Variants in B3GALT1 observed in about 807,000 individuals in gnomAD.
The protein encoded by B3GALT1 is UDP-Gal:betaGlcNAc beta 1,3-galactosyltransferase, polypeptide 1.
A neutral mutation model predicts 23.2 loss-of-function variants in B3GALT1; 10 were observed. The observed-to-expected ratio is 0.43, with a 90% CI of 0.27 to 0.73. The LOEUF is 0.73. Ranked by LOEUF, B3GALT1 falls within the 30% of genes least tolerant of loss-of-function variation. The probability of loss-of-function intolerance (pLI) is 0.21; values close to 1 mark genes in which losing one functional copy is unlikely to be tolerated. For synonymous variants in B3GALT1, 156 were observed against 141.5 expected (o/e 1.10, Z -0.73); for missense variants, 299 against 405.4 (o/e 0.74, Z 2.25).
intron 1 of B3GALT1, among the ~76,000 whole-genome samples, chr2:167,450,616 G>C (rs994778173): frequency 2.0e-5 from 3 of 152,172 alleles, no homozygotes; most frequent in Non-Finnish European, 4.4e-5. Context: ...TTGCCTCACA[G>C]CTCTTAAGAT....
rs118112873 is a variant in B3GALT1, at chr2:167,305,723, G to A, written c.-511+12389G>A. ...TGCTTTGTGTGTATACACATTTATT[G>A]TGAACTAATCTCATTTGATGATCTT... On this transcript the variant is annotated intron_variant, in intron 1 of 4. Coordinates refer to ENST00000392690, the MANE Select transcript of B3GALT1 (RefSeq NM_020981.4). 2.3e-3 allele frequency among the ~76,000 whole-genome samples: 344 copies of A among 152,104 alleles called. 5 individuals are homozygous for A. In the East Asian group the frequency reaches 0.04, roughly 18 times the overall value.
intron 3 of B3GALT1, among the ~76,000 whole-genome samples, chr2:167,762,731 A>C (rs1687915948): frequency 6.6e-6 from 1 of 151,674 alleles, no homozygotes; most frequent in South Asian, 2.1e-4. Context: ...TGGAGAAAAA[A>C]CTCCACCAAA....
At chr2:167,792,558 T>C (rs1688454925) in intron 3 of B3GALT1, among the ~76,000 whole-genome samples, 1 of 152,180 alleles carries the variant, frequency 6.6e-6, no homozygotes, top group Admixed American at 6.5e-5. Context: ...TAGGAGCCAG[T>C]TGAACAATGT....
chr2:167,664,664 A>C (rs539160532), intron 3 of B3GALT1, among the ~76,000 whole-genome samples: 1 of 152,288 alleles, frequency 6.6e-6, no homozygotes, highest in African/African-American at 2.4e-5. Flanking sequence ...GTTCTCCTTA[A>C]AGAGATCCTT....
chr2:167,420,641 A>G (rs1220360272), intron 1 of B3GALT1, among the ~76,000 whole-genome samples: 1 of 152,204 alleles, frequency 6.6e-6, no homozygotes, highest in Non-Finnish European at 1.5e-5. Flanking sequence ...AAATTACCTC[A>G]TGCCTAGCAT....
At position 167,705,702 on chromosome 2, in the gene B3GALT1, C is replaced by T. The variant is rs373431133; in HGVS notation, c.-352+58736C>T. On this transcript the variant is annotated intron_variant, in intron 3 of 4. Transcript: ENST00000392690. ...TAAATCTAATTGGGACTCTAATTGC[C>T]TCAAACCTTCTTCTTTGGCTCTAGG... Among the ~76,000 whole-genome samples, 4 of 152,282 alleles carry T rather than the reference C, an allele frequency of 2.6e-5. No individual in the cohort carries two copies. The South Asian group carries it at 6.2e-4, about 24-fold the overall frequency.
intron 1 of B3GALT1, among the ~76,000 whole-genome samples, chr2:167,489,372 CAG>C (rs973524208): frequency 6.6e-6 from 1 of 152,110 alleles, no homozygotes; most frequent in African/African-American, 2.4e-5. Flanking sequence ...TTTTCAGTAA[CAG>C]ATAACTGGGG....
chr2:167,476,253 C>T (rs1699483856), intron 1 of B3GALT1, among the ~76,000 whole-genome samples: 1 of 152,184 alleles, frequency 6.6e-6, no homozygotes, highest in South Asian at 2.1e-4. Flanking sequence ...GTAGACAGTG[C>T]TTAGCATTCA....
chr2:167,685,582 G>C (rs1471031522), intron 3 of B3GALT1, among the ~76,000 whole-genome samples: 1 of 152,150 alleles, frequency 6.6e-6, no homozygotes, highest in African/African-American at 2.4e-5. Context: ...AGGCACAAAG[G>C]AGCCTGACAT....
chr2:167,798,276 C>T (rs1420792040), intron 3 of B3GALT1, among the ~76,000 whole-genome samples: 1 of 152,124 alleles, frequency 6.6e-6, no homozygotes, highest in Non-Finnish European at 1.5e-5. Context: ...TGTGAAGAAG[C>T]TCTTTGGTTT....
intron 1 of B3GALT1, among the ~76,000 whole-genome samples, chr2:167,356,536 A>G (rs1044532395): frequency 6.6e-6 from 1 of 152,176 alleles, no homozygotes; most frequent in African/African-American, 2.4e-5. Context: ...AGATTGTGGT[A>G]TATAAACAAA....
intron 2 of B3GALT1, among the ~76,000 whole-genome samples, chr2:167,551,334 T>C (rs1209813243): frequency 1.3e-5 from 2 of 152,178 alleles, no homozygotes; most frequent in Non-Finnish European, 2.9e-5. Flanking sequence ...TGGTGGAAGA[T>C]GAGCTAGGAG....
rs138182787 is a variant in B3GALT1, at chr2:167,697,285, A to C, written c.-352+50319A>C. On this transcript the variant is annotated intron_variant, in intron 3 of 4. Coordinates refer to ENST00000392690, the MANE Select transcript of B3GALT1 (RefSeq NM_020981.4). ...GAGATGAATAAACAAGGAGTGAATTAGCTGGGAAAAGAAGCCATGCCATGA... is the reference window on the plus strand; with the variant it reads ...GAGATGAATAAACAAGGAGTGAATTCGCTGGGAAAAGAAGCCATGCCATGA... Among the ~76,000 whole-genome samples, 424 of 152,356 alleles carry C rather than the reference A, an allele frequency of 2.8e-3. 6 individuals carry two copies. Among genetic ancestry groups the C allele is most frequent in the African/African-American group, 9.2e-3 (382 of 41,588 alleles).
chr2:167,444,209 G>C (rs1698944430), intron 1 of B3GALT1, among the ~76,000 whole-genome samples: 1 of 152,180 alleles, frequency 6.6e-6, no homozygotes, highest in African/African-American at 2.4e-5. Flanking sequence ...GCATCCCAGG[G>C]ATGAAGCCCA....
intron 2 of B3GALT1, among the ~76,000 whole-genome samples, chr2:167,625,122 T>G (rs1685317815): frequency 6.6e-6 from 1 of 151,944 alleles, no homozygotes; most frequent in African/African-American, 2.4e-5. Context: ...AGAAAAAAAT[T>G]GGAGTTCTAC....
chr2:167,604,542 G>A (rs777778814), intron 2 of B3GALT1, among the ~76,000 whole-genome samples: 1 of 152,128 alleles, frequency 6.6e-6, no homozygotes, highest in African/African-American at 2.4e-5. Context: ...CTGCAATACC[G>A]TATCTAGTAC....
In B3GALT1 at chr2:167,755,514, G is replaced by A. The variant is rs113030755; in HGVS notation, c.-351-63158G>A. ...ACCCCTCCAATCAATGAGGGGTGAG[G>A]AAGGGAGGCAGGATATTTTGGAGGG... On this transcript the variant is annotated intron_variant, in intron 3 of 4. Transcript: ENST00000392690. Among the ~76,000 whole-genome samples, 1,462 of 147,856 alleles carry A rather than the reference G, an allele frequency of 9.9e-3. 21 individuals are homozygous for A. Among genetic ancestry groups the A allele is most frequent in the South Asian group, 0.02 (95 of 4,654 alleles).
At chr2:167,680,480 A>G (rs561516720) in intron 3 of B3GALT1, among the ~76,000 whole-genome samples, 5 of 152,320 alleles carry the variant, frequency 3.3e-5, no homozygotes, top group African/African-American at 1.2e-4. Flanking sequence ...TTTGCATGAC[A>G]TAGAGTGGGA....
At position 167,600,522 on chromosome 2, in the gene B3GALT1, G is replaced by A. The variant is rs141184227; in HGVS notation, c.-409-46387G>A. ...AAAGAAACCTGTACCCTTTGGTACC[G>A]CTCCACCATCCTCCCCACCCACTCC... On this transcript the variant is annotated intron_variant, in intron 2 of 4. Coordinates refer to ENST00000392690, the MANE Select transcript of B3GALT1 (RefSeq NM_020981.4). 9.4e-4 allele frequency among the ~76,000 whole-genome samples: 143 copies of A among 152,162 alleles called. 1 individual carries two copies. Among genetic ancestry groups the A allele is most frequent in the African/African-American group, 3.0e-3 (126 of 41,516 alleles).
Sources: gnomAD v4.1 joint callset for allele counts (sites outside exome capture counted in the v4.1 genomes callset) on GRCh38, gnomAD v4.1.1 for gene constraint, MANE v1.5 for transcripts, NCBI Gene and HGNC (gene_info 2026-07-23, HGNC 2026-07-21) for gene names.